Variants in BLTP3A observed in about 807,000 individuals in gnomAD.
BLTP3A encodes the protein ICBP90 binding protein 1.
the BLTP3A span, chr6:34,858,883 G>A: frequency 3.7e-6 from 6 of 1,614,154 alleles, no homozygotes; most frequent in Non-Finnish European, 5.1e-6. Context: ...TCGCCTGAAG[G>A]AGGTGCTGCA....
chr6:34,821,556 A>G, the BLTP3A span: 1 of 1,216,572 alleles, frequency 8.2e-7, no homozygotes, highest in Non-Finnish European at 1.1e-6. Context: ...ATGTTCTTTA[A>G]TTTTTTCTTT....
At chr6:34,860,793 C>G in the BLTP3A span, among the ~76,000 whole-genome samples, 3 of 152,156 alleles carry the variant, frequency 2.0e-5, no homozygotes, top group African/African-American at 7.2e-5. Flanking sequence ...ACCCAATGTG[C>G]TGCCTTTTCT....
the BLTP3A span, chr6:34,867,713 C>T: frequency 8.4e-6 from 12 of 1,426,670 alleles, no homozygotes; most frequent in East Asian, 2.2e-4. Context: ...GGCAGCCACT[C>T]TACTAGTGCC....
chr6:34,812,731 G>A, the BLTP3A span, among the ~76,000 whole-genome samples: 1 of 151,974 alleles, frequency 6.6e-6, no homozygotes, highest in Non-Finnish European at 1.5e-5. Context: ...TGGGACTATA[G>A]GTGTGAGCCA....
the BLTP3A span, chr6:34,836,027 A>G: frequency 1.9e-5 from 23 of 1,205,090 alleles, no homozygotes; most frequent in South Asian, 3.2e-4. Context: ...TACTAGGCCA[A>G]CAGTTGTGAG....
chr6:34,805,920 G>A, the BLTP3A span, among the ~76,000 whole-genome samples: 28 of 151,890 alleles, frequency 1.8e-4, no homozygotes, highest in Non-Finnish European at 3.2e-4. Context: ...CTTTTAAAAG[G>A]TATTTATTTC....
the BLTP3A span, chr6:34,876,556 G>A: frequency 6.6e-6 from 1 of 151,962 alleles, no homozygotes; most frequent in Non-Finnish European, 1.5e-5. Context: ...ATGAGTTATA[G>A]TAAAATCATA....
chr6:34,792,270 A>G, the BLTP3A span: 1 of 1,544,784 alleles, frequency 6.5e-7, no homozygotes. Context: ...ATCATTAAGA[A>G]GCAGATCCTG....
the BLTP3A span, among the ~76,000 whole-genome samples, chr6:34,840,569 AAAAT>A: frequency 6.6e-6 from 1 of 151,498 alleles, no homozygotes; most frequent in East Asian, 1.9e-4. Flanking sequence ...TTTGTCTCAA[AAAAT>A]AAATAAATAA....
At chr6:34,824,735 A>G in the BLTP3A span, among the ~76,000 whole-genome samples, 1 of 151,634 alleles carries the variant, frequency 6.6e-6, no homozygotes, top group Admixed American at 6.6e-5. Flanking sequence ...CAGTGGCACG[A>G]TCTTGGCTCA....
the BLTP3A span, among the ~76,000 whole-genome samples, chr6:34,860,903 C>T: frequency 1.3e-5 from 2 of 152,274 alleles, no homozygotes; most frequent in African/African-American, 2.4e-5. Context: ...CAGTGACTTC[C>T]TAACTGCCCA....
At chr6:34,826,311 C>T in the BLTP3A span, among the ~76,000 whole-genome samples, 32,791 of 151,318 alleles carry the variant, frequency 0.22, 4,304 homozygotes, top group African/African-American at 0.36. Context: ...CGTGAGCCAC[C>T]GCACCTGGCC....
chr6:34,823,583 C>T, the BLTP3A span, among the ~76,000 whole-genome samples: 1 of 148,910 alleles, frequency 6.7e-6, no homozygotes, highest in South Asian at 2.1e-4. Context: ...TGCTCTGTCA[C>T]CCAGGCTGGA....
the BLTP3A span, among the ~76,000 whole-genome samples, chr6:34,831,987 G>A: frequency 4.6e-5 from 7 of 151,796 alleles, no homozygotes; most frequent in South Asian, 4.2e-4. Flanking sequence ...GCTAATTTTT[G>A]TATTTTTAGT....
the BLTP3A span, among the ~76,000 whole-genome samples, chr6:34,802,255 G>T: frequency 1.3e-5 from 2 of 151,948 alleles, no homozygotes; most frequent in African/African-American, 4.8e-5. Flanking sequence ...GCCACGGCTG[G>T]AGTGCAACGG....
chr6:34,864,330 A>G, the BLTP3A span: 3 of 973,290 alleles, frequency 3.1e-6, no homozygotes, highest in East Asian at 7.6e-5. Context: ...CAAGACAAAA[A>G]AAGAGAGACA....
the BLTP3A span, among the ~76,000 whole-genome samples, chr6:34,811,976 ATGAT>A: frequency 6.6e-6 from 1 of 152,088 alleles, no homozygotes; most frequent in Non-Finnish European, 1.5e-5. Context: ...ACAGAGAGCT[ATGAT>A]TGTGCCAGTG....
chr6:34,838,206 C>G, the BLTP3A span, among the ~76,000 whole-genome samples: 1 of 152,194 alleles, frequency 6.6e-6, no homozygotes, highest in Non-Finnish European at 1.5e-5. Context: ...ACCAGGCTTT[C>G]ATTTCTTCTT....
chr6:34,832,529 G>A, the BLTP3A span, among the ~76,000 whole-genome samples: 1 of 150,910 alleles, frequency 6.6e-6, no homozygotes, highest in Non-Finnish European at 1.5e-5. Flanking sequence ...TCAATCTCCT[G>A]GGCTCAAGCG....
Sources: allele counts gnomAD v4.1 joint callset (sites outside exome capture counted in the v4.1 genomes callset), GRCh38; gene constraint gnomAD v4.1.1; transcripts MANE v1.5; gene names NCBI Gene and HGNC (gene_info 2026-07-23, HGNC 2026-07-21).